The following PLCB1 variants were observed in gnomAD, a reference collection of about 807,000 sequenced individuals.
PLCB1 encodes the protein phospholipase C beta 1, also known as 1-phosphatidylinositol 4,5-bisphosphate phosphodiesterase beta-1.
In PLCB1, 46 loss-of-function variants were observed where a neutral mutation model predicts 161.8. The observed-to-expected ratio is 0.28, with a 90% CI of 0.22 to 0.36. The LOEUF (loss-of-function observed/expected upper bound fraction) is 0.36, where lower values mean the gene tolerates loss of function less well. Ranked by LOEUF, PLCB1 falls within the 10% of genes least tolerant of loss-of-function variation. The pLI is 1.00. For synonymous variants in PLCB1, 517 were observed against 503.7 expected (o/e 1.03, Z -0.35); for missense variants, 1,016 against 1,472.5 (o/e 0.69, Z 5.07).
At chr20:8,575,564 T>C (rs562355726) in intron 3 of PLCB1, among the ~76,000 whole-genome samples, 6 of 152,340 alleles carry the variant, frequency 3.9e-5, no homozygotes, top group South Asian at 4.1e-4. Flanking sequence ...TAGCACTTTA[T>C]TTAGAGATGA....
intron 2 of PLCB1, among the ~76,000 whole-genome samples, chr20:8,183,207 T>G (rs2051865756): frequency 6.6e-6 from 1 of 152,210 alleles, no homozygotes; most frequent in African/African-American, 2.4e-5. Context: ...TATCTTTCCT[T>G]CAGGGTTCCA....
rs75988675 is a variant in PLCB1 at position 8,289,292 on chromosome 20, C to T, written c.178-82090C>T. On this transcript the variant is annotated intron_variant, in intron 2 of 31. Coordinates refer to ENST00000338037, the MANE Select transcript of PLCB1 (RefSeq NM_015192.4). ...ATGGACTAAAGCAGTGCTTCTCAGG[C>T]TTTAATGTGCACACAAGTCCCCTGT... Among the ~76,000 whole-genome samples, 598 of 152,296 alleles carry T rather than the reference C, an allele frequency of 3.9e-3. 4 individuals are homozygous for T. The highest frequency in any genetic ancestry group is 0.014 in the African/African-American group (570 of 41,562).
chr20:8,486,709 A>G (rs1982746092), intron 3 of PLCB1, among the ~76,000 whole-genome samples: 1 of 150,974 alleles, frequency 6.6e-6, no homozygotes. Context: ...GTTAGCCAGG[A>G]TGGTCTCGAT....
intron 11 of PLCB1, among the ~76,000 whole-genome samples, chr20:8,701,082 A>G (rs748582392): frequency 5.9e-5 from 9 of 152,152 alleles, no homozygotes; most frequent in Non-Finnish European, 1.3e-4. Context: ...AATTTTGCAC[A>G]TAGTCGCCTC....
intron 2 of PLCB1, among the ~76,000 whole-genome samples, chr20:8,281,423 T>C (rs1982868005): frequency 6.6e-6 from 1 of 152,178 alleles, no homozygotes; most frequent in South Asian, 2.1e-4. Flanking sequence ...CTGTTCATAA[T>C]TCAGCAGCAA....
intron 3 of PLCB1, among the ~76,000 whole-genome samples, chr20:8,537,984 G>A (rs527894067): frequency 1.4e-4 from 21 of 152,220 alleles, no homozygotes; most frequent in South Asian, 1.0e-3. Flanking sequence ...TAAATGAAAC[G>A]GAACTCACTA....
At chr20:8,439,845 C>T (rs1980477057) in intron 3 of PLCB1, among the ~76,000 whole-genome samples, 1 of 151,770 alleles carries the variant, frequency 6.6e-6, no homozygotes, top group African/African-American at 2.4e-5. Context: ...CACCAAAGTT[C>T]TTAAAATTTT....
chr20:8,699,080 A>G (rs909271740), intron 11 of PLCB1, among the ~76,000 whole-genome samples: 3 of 152,172 alleles, frequency 2.0e-5, no homozygotes, highest in Non-Finnish European at 2.9e-5. Flanking sequence ...TGTGGGCTTC[A>G]GGGAACATGT....
intron 10 of PLCB1, among the ~76,000 whole-genome samples, chr20:8,690,253 T>A (rs1990446200): frequency 6.6e-6 from 1 of 151,884 alleles, no homozygotes; most frequent in Admixed American, 6.6e-5. Flanking sequence ...TCTTGCCTGC[T>A]GCCTAGAAAA....
chr20:8,389,641 C>CA (rs753275470), intron 3 of PLCB1, among the ~76,000 whole-genome samples: 1 of 152,190 alleles, frequency 6.6e-6, no homozygotes, highest in Non-Finnish European at 1.5e-5. Context: ...AAACATTTCT[C>CA]AATTTTAATT....
chr20:8,183,135 C>T (rs534616961), intron 2 of PLCB1, among the ~76,000 whole-genome samples: 1 of 152,206 alleles, frequency 6.6e-6, no homozygotes, highest in East Asian at 1.9e-4. Context: ...TGTTATGTGG[C>T]AGTGTTGCGG....
chr20:8,815,068 C>T (rs1985023123), intron 31 of PLCB1, among the ~76,000 whole-genome samples: 1 of 152,244 alleles, frequency 6.6e-6, no homozygotes, highest in African/African-American at 2.4e-5. Context: ...GGATCATGTG[C>T]TTCCCTTCTC....
chr20:8,615,582 C>G (rs1988022593), intron 3 of PLCB1, among the ~76,000 whole-genome samples: 1 of 152,104 alleles, frequency 6.6e-6, no homozygotes, highest in Non-Finnish European at 1.5e-5. Context: ...AGAAACCATT[C>G]TTTGATGAAC....
chr20:8,385,762 C>T (rs963954849), intron 3 of PLCB1, among the ~76,000 whole-genome samples: 1 of 152,212 alleles, frequency 6.6e-6, no homozygotes, highest in Non-Finnish European at 1.5e-5. Context: ...GGGGTGAGGG[C>T]TCCCCTCTCC....
chr20:8,316,907 A>G lies in PLCB1; in HGVS notation c.178-54475A>G, dbSNP rs118049986. On this transcript the variant is annotated intron_variant, in intron 2 of 31. Transcript: ENST00000338037. The stretch of plus-strand genomic sequence containing the variant: ...ACCTTCTCTCATAAAAAATTTATTT[A>G]TTTATTATGTTTTATGTTGTTTGCC... 2.8e-3 allele frequency among the ~76,000 whole-genome samples: 423 copies of G among 152,106 alleles called. 4 individuals carry two copies. In the East Asian group the frequency reaches 0.033, roughly 12 times the overall value.
intron 12 of PLCB1, among the ~76,000 whole-genome samples, chr20:8,714,516 A>G (rs1299764640): frequency 6.6e-6 from 1 of 152,184 alleles, no homozygotes; most frequent in Non-Finnish European, 1.5e-5. Flanking sequence ...GCCTGCTCCC[A>G]AAGGTCTCAT....
intron 31 of PLCB1, among the ~76,000 whole-genome samples, chr20:8,835,458 A>C (rs1247029565): frequency 6.6e-6 from 1 of 152,058 alleles, no homozygotes. Context: ...TAAGTCCCTA[A>C]CCACAGGCTT....
At chr20:8,746,618 T>A (rs1981186442) in intron 23 of PLCB1, among the ~76,000 whole-genome samples, 1 of 152,176 alleles carries the variant, frequency 6.6e-6, no homozygotes, top group South Asian at 2.1e-4. Flanking sequence ...GCACTGAGAT[T>A]ACAGGGGTGG....
intron 27 of PLCB1, among the ~76,000 whole-genome samples, chr20:8,786,087 A>G (rs2146216723): frequency 6.6e-6 from 1 of 152,250 alleles, no homozygotes; most frequent in Middle Eastern, 3.4e-3. Context: ...TGTATTTTTA[A>G]GAAGTTCCCC....
Sources: allele counts gnomAD v4.1 joint callset (sites outside exome capture counted in the v4.1 genomes callset), GRCh38; gene constraint gnomAD v4.1.1; transcripts MANE v1.5; gene names NCBI Gene and HGNC (gene_info 2026-07-23, HGNC 2026-07-21).